The following ADAMTS13 variants were observed in gnomAD, a reference collection of about 807,000 sequenced individuals.
The protein encoded by ADAMTS13 is A disintegrin and metalloproteinase with thrombospondin motifs 13.
ADAMTS13 carries 110 observed loss-of-function variants against 155.1 expected under a neutral mutation model. The observed-to-expected ratio is 0.71, with a 90% CI of 0.61 to 0.83. ADAMTS13 has a LOEUF of 0.83. ADAMTS13 is among the 40% of genes least tolerant of loss of function. ADAMTS13 has a pLI of 0.00. For synonymous variants in ADAMTS13, 758 were observed against 756.4 expected, an observed-to-expected ratio of 1.00 and a Z score of -0.03; for missense variants, 1,707 against 1,891.7, an observed-to-expected ratio of 0.90 and a Z score of 1.81.
chr9:133,448,824 G>A, intron 22 of ADAMTS13, 96 bp downstream of exon 22: 2 of 1,518,734 alleles, frequency 1.3e-6, no homozygotes, highest in Non-Finnish European at 1.8e-6. Context: ...GAGGGGGGCA[G>A]GTGCTGCTGG....
chr9:133,448,156 A>G (rs932498361), intron 21 of ADAMTS13, among the ~76,000 whole-genome samples: 1 of 151,396 alleles, frequency 6.6e-6, no homozygotes, highest in Non-Finnish European at 1.5e-5. Flanking sequence ...CGCTCAGCTA[A>G]TTTTTGTATT....
chr9:133,426,486 T>C, intron 6 of ADAMTS13, 141 bp downstream of exon 6: 2 of 1,195,442 alleles, frequency 1.7e-6, no homozygotes, highest in Non-Finnish European at 1.2e-6. Flanking sequence ...CAGACTCAGG[T>C]GTGAGGACAG....
chr9:133,438,282 G>A lies in ADAMTS13; in HGVS notation c.1621G>A (p.Val541Ile). The change falls in exon 14 of 29, where the codon GTA becomes ATA. Residue 541 changes from valine (V) to isoleucine (I), a missense_variant. By Grantham distance (29) the Val-to-Ile change is conservative (BLOSUM62 3). Transcript: ENST00000355699. Reference protein sequence around the residue: ...GCDGRMDSQQVWDRCQVCGGD... With the variant: ...GCDGRMDSQQIWDRCQVCGGD... ...TGATGGTAGGATGGACTCCCAGCAG[G>A]TATGGGACAGGTGCCAGGTGTGTGG... The A allele has an allele frequency of 6.2e-7, 1 of 1,614,178 alleles. No homozygotes were observed. The highest frequency in any genetic ancestry group is 1.3e-5 in the African/African-American group (1 of 75,048).
rs149947127 is a variant in ADAMTS13 at position 133,425,304 on chromosome 9, T to C, written c.331-225T>C. Among the ~76,000 whole-genome samples, 1 of 152,316 alleles carries C rather than the reference T, an allele frequency of 6.6e-6. No individual in the cohort carries two copies. The highest frequency in any genetic ancestry group is 1.9e-4 in the East Asian group (1 of 5,172). On this transcript the variant is annotated intron_variant, in intron 3 of 28. Transcript: ENST00000355699. The surrounding 1 kb of genome is among the most constrained non-coding windows in gnomAD (Gnocchi z 4.6). ...TCATCCCCTTGCTTTGGAGTTTGTT[T>C]TCCTTGCGTTAGTTGGCCTTCCTGA...
At chr9:133,431,869 T>G (rs989711245) in intron 8 of ADAMTS13, among the ~76,000 whole-genome samples, 6 of 152,132 alleles carry the variant, frequency 3.9e-5, no homozygotes, top group African/African-American at 1.4e-4. Context: ...TTAGCCAGGA[T>G]GGTCTCGCTC....
upstream of ADAMTS13, among the ~76,000 whole-genome samples, chr9:133,420,967 T>C (rs1006424872): frequency 1.3e-5 from 2 of 152,204 alleles, no homozygotes; most frequent in African/African-American, 2.4e-5. Context: ...TTGATTGTAA[T>C]CAAGAGACAC....
chr9:133,427,106 C>CT (rs1840336925), intron 6 of ADAMTS13, among the ~76,000 whole-genome samples: 1 of 152,204 alleles, frequency 6.6e-6, no homozygotes, highest in African/African-American at 2.4e-5. Context: ...TCCAGCCTTT[C>CT]TTTTTTCTTC....
intron 23 of ADAMTS13, among the ~76,000 whole-genome samples, chr9:133,453,147 C>T (rs1006401335): frequency 2.0e-5 from 3 of 151,992 alleles, no homozygotes; most frequent in African/African-American, 7.2e-5. Flanking sequence ...ACAAAAAATA[C>T]AAAAATTGGC....
intron 1 of ADAMTS13, chr9:133,414,813 C>T (rs781806472): frequency 1.9e-6 from 3 of 1,614,196 alleles, no homozygotes; most frequent in Non-Finnish European, 2.5e-6. Context: ...GGTACTGGCG[C>T]CCTCCTGTCC....
At position 133,425,938 on chromosome 9, in the gene ADAMTS13, G is replaced by T. The variant is rs781882283; in HGVS notation, c.415G>T (p.Gly139Cys). ...TGCAGGCTTTGCTGTGGGTCCGCAG[G>T]GTGCTCCAAATATCACAGCCAACCT... ...VKMVILTEPEGAPNITANLTS... is the reference protein window; with the variant it reads ...VKMVILTEPECAPNITANLTS... The change falls in exon 5 of 29, where the codon GGT becomes TGT. Residue 139 changes from glycine to cysteine, a missense_variant and splice_region_variant. This residue lies in a region of ADAMTS13 where 733 missense variants were observed against 749.6 expected (regional missense o/e 0.98). Transcript: ENST00000355699. This position sits in a 1 kb window ranked among gnomAD's most constrained non-coding sequence, Gnocchi z 4.6. The T allele has an allele frequency of 6.2e-7, 1 of 1,613,456 alleles. No individual in the cohort carries two copies.
chr9:133,425,668 G>T lies in ADAMTS13; in HGVS notation c.414+56G>T. The stretch of plus-strand genomic sequence containing the variant: ...TACAGAGCGGGAAGCCCAAGTCATC[G>T]CATCTCCATCCTCTTTAACCTCTTG... On this transcript the variant is annotated intron_variant, in intron 4 of 28. Transcript: ENST00000355699. This position sits in a 1 kb window ranked among gnomAD's most constrained non-coding sequence, Gnocchi z 4.6. 6.4e-7 allele frequency: 1 copy of T among 1,563,718 alleles called. No homozygotes were observed. The highest frequency in any genetic ancestry group is 1.4e-5 in the African/African-American group (1 of 73,896).
At chr9:133,451,372 C>T (rs935903804) in intron 23 of ADAMTS13, among the ~76,000 whole-genome samples, 1 of 152,356 alleles carries the variant, frequency 6.6e-6, no homozygotes, top group East Asian at 1.9e-4. Context: ...ATTCTCCTGT[C>T]TCAGCCTCCC....
chr9:133,431,444 C>T (rs1192202187), intron 8 of ADAMTS13, among the ~76,000 whole-genome samples: 4 of 150,006 alleles, frequency 2.7e-5, no homozygotes, highest in East Asian at 2.0e-4. Flanking sequence ...CCCGGGCCTA[C>T]GCCTCCCGAG....
chr9:133,444,035 G>C (rs1212935163), intron 19 of ADAMTS13, among the ~76,000 whole-genome samples: 2 of 152,154 alleles, frequency 1.3e-5, no homozygotes, highest in African/African-American at 4.8e-5. Context: ...TCCGGTGGGA[G>C]GGGATTGGTC....
Position 133,429,930 on chromosome 9 carries a change from T to G in ADAMTS13, c.825-9T>G, listed in dbSNP as rs1382540433. 6.5e-7 allele frequency: 1 copy of G among 1,534,910 alleles called. No individual in the cohort carries two copies. The highest frequency in any genetic ancestry group is 8.7e-7 in the Non-Finnish European group (1 of 1,145,570). ...GACTGAGCCGGGCCTGAGCCGGGCC[T>G]TGTCGCAGCGCAGGACGGGCGCGCT... On this transcript the variant is annotated splice_polypyrimidine_tract_variant and intron_variant, in intron 7 of 28. Transcript: ENST00000355699.
rs1183458933 is a variant in ADAMTS13, at chr9:133,441,060, G to T, written c.1968+535G>T. On this transcript the variant is annotated intron_variant, in intron 16 of 28. Coordinates refer to ENST00000355699, the MANE Select transcript of ADAMTS13 (RefSeq NM_139027.6). The surrounding 1 kb of genome is among the most constrained non-coding windows in gnomAD (Gnocchi z 5.0). ...TCTCACTGCTTCTTTGGTGCAGTGT[G>T]TGTGGGAACCGGAAGGCCTTGTTCA... Among the ~76,000 whole-genome samples the T allele has an allele frequency of 6.6e-6, 1 of 152,198 alleles. No individual in the cohort carries two copies. The highest frequency in any genetic ancestry group is 2.4e-5 in the African/African-American group (1 of 41,452).
In ADAMTS13 at chr9:133,423,287, C is replaced by G. The variant is rs1417206152; in HGVS notation, c.172+120C>G. On this transcript the variant is annotated intron_variant, in intron 2 of 28. Transcript: ENST00000355699. ...ATCTGGAAGGAGAAGGTCAGAGAAG[C>G]TGCTGTCAACCCTGTTAATTAACTC... The G allele has an allele frequency of 1.1e-5, 10 of 938,070 alleles. No homozygotes were observed. In the East Asian group the frequency reaches 2.4e-4, roughly 23 times the overall value. 58.1% of individuals were successfully genotyped at this position (938,070 alleles called of 1,614,324 possible). A position where few individuals can be genotyped will look rare whatever the true frequency, so the allele number is the denominator to read the frequency against.
At position 133,448,667 on chromosome 9, in the gene ADAMTS13, G is replaced by C. The variant is rs1223060835; in HGVS notation, c.2800G>C (p.Gly934Arg). The C allele has an allele frequency of 1.9e-6, 3 of 1,607,962 alleles. No homozygotes were observed. Among genetic ancestry groups the C allele is most frequent in the Non-Finnish European group, 2.5e-6 (3 of 1,179,984 alleles). The part of the protein sequence containing the change: ...LRVPVQEELC[G>R]LASKPGSRRE... ...GGTGCCTGTCCAGGAAGAGCTGTGT[G>C]GCCTGGCAAGCAAGCCTGGGAGCCG... The change falls in exon 22 of 29, where the codon GGC becomes CGC. Residue 934 changes from glycine to arginine, a missense_variant. Around this residue, in one of 3 missense-constraint regions of ADAMTS13, gnomAD observed 961 missense variants for 1,107.9 expected, o/e 0.87. Transcript: ENST00000355699.
intron 8 of ADAMTS13, among the ~76,000 whole-genome samples, chr9:133,430,891 A>T (rs587644240): frequency 7.2e-4 from 109 of 151,822 alleles, no homozygotes; most frequent in African/African-American, 2.6e-3. Flanking sequence ...CGATCTCCTG[A>T]CCTCGTGATC....
Sources: gnomAD v4.1 joint callset for allele counts (sites outside exome capture counted in the v4.1 genomes callset) on GRCh38, gnomAD v4.1.1 for gene constraint, gnomAD v4.1.1 regional missense constraint, Gnocchi (gnomAD v3.1) non-coding constraint, MANE v1.5 for transcripts, NCBI Gene and HGNC (gene_info 2026-07-23, HGNC 2026-07-21) for gene names.